ZBTB40: variants seen among roughly 807,000 people sequenced by gnomAD.
ZBTB40 encodes zinc finger and BTB domain containing 40.
A neutral mutation model predicts 117.5 loss-of-function variants in ZBTB40; 60 were observed. The observed-to-expected ratio is 0.51, with a 90% CI of 0.41 to 0.63. The LOEUF (loss-of-function observed/expected upper bound fraction) is 0.63. Among genes scored for constraint, ZBTB40 ranks in the 30% least tolerant of loss-of-function variants. The pLI, the probability that ZBTB40 is intolerant of heterozygous loss-of-function variation, is 0.00. For synonymous variants in ZBTB40, 525 were observed against 577.1 expected, an observed-to-expected ratio of 0.91 and a Z score of 1.29; for missense variants, 1,287 against 1,498.5, an observed-to-expected ratio of 0.86 and a Z score of 2.33.
intron 15 of ZBTB40, 141 bp downstream of exon 15, chr1:22,521,799 CGTAGCAGCAGCAGTCA>C: frequency 2.4e-6 from 3 of 1,253,622 alleles, no homozygotes; most frequent in Non-Finnish European, 3.5e-6. Flanking sequence ...CGCACCTGTC[CGTAGCAGCAGCAGTCA>C]GTAGCAGCAG....
chr1:22,453,659 A>G lies in ZBTB40; in HGVS notation c.-70+1655A>G, dbSNP rs79676274. ...CCAATACTATGACATAAGTAGTATT[A>G]ATATTACCATTTTACGCATAGAGGA... On this transcript the variant is annotated intron_variant, in intron 1 of 17. Coordinates refer to ENST00000375647, the MANE Select transcript of ZBTB40 (RefSeq NM_014870.4). 5.8e-4 allele frequency among the ~76,000 whole-genome samples: 88 copies of G among 152,380 alleles called. 1 individual carries two copies. In the East Asian group the frequency reaches 0.015, roughly 26 times the overall value.
At chr1:22,440,702 T>G (rs1314152593) in intron 1 of ZBTB40, among the ~76,000 whole-genome samples, 1 of 152,148 alleles carries the variant, frequency 6.6e-6, no homozygotes, top group Non-Finnish European at 1.5e-5. Context: ...TGTTATGTTT[T>G]GTCAAATGCT....
chr1:22,437,040 C>T (rs1640678850), intron 1 of ZBTB40, among the ~76,000 whole-genome samples: 2 of 152,024 alleles, frequency 1.3e-5, no homozygotes, highest in Admixed American at 1.3e-4. Flanking sequence ...TGAAAATGTT[C>T]TAGGATGTCT....
chr1:22,511,504 G>A (rs1639232286), intron 10 of ZBTB40, among the ~76,000 whole-genome samples, 157 bp downstream of exon 10: 1 of 152,182 alleles, frequency 6.6e-6, no homozygotes, highest in Non-Finnish European at 1.5e-5. Context: ...AGACATAGGG[G>A]GAAAATGTTC....
At chr1:22,481,717 A>G (rs904292410) in intron 1 of ZBTB40, among the ~76,000 whole-genome samples, 2 of 150,508 alleles carry the variant, frequency 1.3e-5, no homozygotes, top group African/African-American at 4.9e-5. Flanking sequence ...GAATGTTTAA[A>G]AAGATCTAAT....
At chr1:22,496,307 C>G (rs1430229402) in intron 3 of ZBTB40, among the ~76,000 whole-genome samples, 1 of 152,174 alleles carries the variant, frequency 6.6e-6, no homozygotes, top group African/African-American at 2.4e-5. Context: ...AGACACCACC[C>G]ATGGTCCCTG....
At chr1:22,501,254 C>T (rs1638927249) in intron 3 of ZBTB40, among the ~76,000 whole-genome samples, 1 of 152,152 alleles carries the variant, frequency 6.6e-6, no homozygotes, top group Non-Finnish European at 1.5e-5. Flanking sequence ...GCAGAGGTAA[C>T]CCCTGAGCAA....
intron 1 of ZBTB40, among the ~76,000 whole-genome samples, chr1:22,463,421 T>C (rs1259435658): frequency 6.6e-6 from 1 of 152,216 alleles, no homozygotes; most frequent in East Asian, 1.9e-4. Flanking sequence ...GAAAACTTAG[T>C]TATCGTCCGT....
chr1:22,472,696 C>G (rs1401738898), intron 1 of ZBTB40, among the ~76,000 whole-genome samples: 2 of 152,192 alleles, frequency 1.3e-5, no homozygotes, highest in African/African-American at 4.8e-5. Context: ...GATATCTTCA[C>G]TGTGTTCAGT....
chr1:22,433,999 G>A (rs1640637224), intron 1 of ZBTB40, among the ~76,000 whole-genome samples: 1 of 151,886 alleles, frequency 6.6e-6, no homozygotes, highest in African/African-American at 2.4e-5. Flanking sequence ...GCAATTATTG[G>A]GTCACTGGGA....
chr1:22,447,319 T>C (rs1434864259), upstream of ZBTB40, among the ~76,000 whole-genome samples: 3 of 151,552 alleles, frequency 2.0e-5, no homozygotes, highest in African/African-American at 7.3e-5. Context: ...GGTAGTAGAG[T>C]AGTTAAGAGG....
rs1266456074 is a variant in ZBTB40, at chr1:22,507,937, C to A, written c.1361-64C>A. On this transcript the variant is annotated intron_variant, in intron 6 of 17. Coordinates refer to ENST00000375647, the MANE Select transcript of ZBTB40 (RefSeq NM_014870.4). ...TCTCTTCCTCTCTCATTGGTAATAT[C>A]CTGGAGTCTTCTGTAGGAGGTTTTG... 1.2e-5 allele frequency: 20 copies of A among 1,612,018 alleles called. No individual in the cohort carries two copies. The South Asian group carries it at 2.0e-4, about 16-fold the overall frequency.
At chr1:22,445,567 C>T (rs1350778044) in intron 1 of ZBTB40, among the ~76,000 whole-genome samples, 4 of 152,010 alleles carry the variant, frequency 2.6e-5, no homozygotes, top group Non-Finnish European at 4.4e-5. Context: ...AGGCAATAAA[C>T]AAAAAACCGG....
upstream of ZBTB40, among the ~76,000 whole-genome samples, chr1:22,449,951 T>C (rs1394252915): frequency 6.6e-6 from 1 of 152,084 alleles, no homozygotes. Context: ...TTTCTCTTTT[T>C]TTTTTTTTTG....
At chr1:22,438,470 G>A (rs562892486) in intron 1 of ZBTB40, among the ~76,000 whole-genome samples, 6 of 152,300 alleles carry the variant, frequency 3.9e-5, no homozygotes, top group South Asian at 2.1e-4. Flanking sequence ...TGTGAATAAT[G>A]CTGTTATGAA....
At chr1:22,428,967 A>G (rs1272914922) in exon 1 of ZBTB40, among the ~76,000 whole-genome samples, 2 of 152,206 alleles carry the variant, frequency 1.3e-5, no homozygotes, top group African/African-American at 4.8e-5. Flanking sequence ...GGTCAGAGCC[A>G]TGTGCTGAGG....
Position 22,521,498 on chromosome 1 carries a change from A to T in ZBTB40, c.3051A>T (p.Gln1017His). ...AACACTTGCCAAATTCCTTGCAGCAATTGTCTGGTTTGTGGTACCACAATC... is the reference window on the plus strand; with the variant it reads ...AACACTTGCCAAATTCCTTGCAGCATTTGTCTGGTTTGTGGTACCACAATC... ...SCGICNKAYQ[Q>H]LSGLWYHNRT... The change falls in exon 15 of 18, where the codon CAA (glutamine) becomes CAT (histidine). Residue 1017 changes from glutamine to histidine, a missense_variant and splice_region_variant. Physicochemically the swap from Gln to His is conservative, Grantham distance 24. Coordinates refer to ENST00000375647, the MANE Select transcript of ZBTB40 (RefSeq NM_014870.4). The T allele has an allele frequency of 1.2e-6, 2 of 1,614,178 alleles. No individual in the cohort carries two copies. The highest frequency in any genetic ancestry group is 1.7e-6 in the Non-Finnish European group (2 of 1,180,036).
intron 16 of ZBTB40, 119 bp downstream of exon 16, chr1:22,522,582 A>C (rs2124473852): frequency 2.1e-6 from 2 of 973,064 alleles, no homozygotes; most frequent in Non-Finnish European, 3.3e-6. Context: ...CGGTTTCTTC[A>C]TCTATAAAAT....
At chr1:22,508,479 G>A (rs1639134166) in intron 7 of ZBTB40, 51 bp from the exon 8 acceptor site, 1 of 1,598,364 alleles carries the variant, frequency 6.3e-7, no homozygotes, top group Admixed American at 1.7e-5. Context: ...TCTGCAGCTG[G>A]GCTAGTGGCT....
Sources: allele counts gnomAD v4.1 joint callset (sites outside exome capture counted in the v4.1 genomes callset), GRCh38; gene constraint gnomAD v4.1.1; transcripts MANE v1.5; gene names NCBI Gene and HGNC (gene_info 2026-07-23, HGNC 2026-07-21).